The following MBNL1 variants were observed in gnomAD, a reference collection of about 807,000 sequenced individuals.
MBNL1 encodes muscleblind-like protein 1.
A neutral mutation model predicts 42.2 loss-of-function variants in MBNL1; 8 were observed. The observed-to-expected ratio is 0.19, with a 90% CI of 0.11 to 0.34. MBNL1 has a LOEUF of 0.34. MBNL1 is among the 10% of genes least tolerant of loss of function. MBNL1 has a pLI of 1.00. For missense variants in MBNL1, 309 were observed against 495.3 expected (o/e 0.62, Z 3.57); for synonymous variants, 169 against 173.9 (o/e 0.97, Z 0.22).
chr3:152,361,987 AT>A (rs1370187148), intron 2 of MBNL1, among the ~76,000 whole-genome samples: 1 of 152,202 alleles, frequency 6.6e-6, no homozygotes, highest in Non-Finnish European at 1.5e-5. Context: ...TCTGCAGCTA[AT>A]ATTGCTGCCT....
At chr3:152,270,402 G>A (rs2040574715) in intron 1 of MBNL1, among the ~76,000 whole-genome samples, 1 of 152,148 alleles carries the variant, frequency 6.6e-6, no homozygotes, top group Non-Finnish European at 1.5e-5. Context: ...TTCCTCCTGG[G>A]TTTGAACACA....
At chr3:152,443,186 C>G (rs902876274) in intron 4 of MBNL1, among the ~76,000 whole-genome samples, 3 of 147,862 alleles carry the variant, frequency 2.0e-5, no homozygotes, top group South Asian at 4.3e-4. Context: ...AGAAACCCCC[C>G]CCCCCACACA....
chr3:152,411,922 T>A (rs1454173081), intron 2 of MBNL1, among the ~76,000 whole-genome samples: 1 of 152,224 alleles, frequency 6.6e-6, no homozygotes, highest in Non-Finnish European at 1.5e-5. Context: ...TAGTTTTTTC[T>A]ATTATCTCCA....
chr3:152,434,935 G>T (rs1395726908), intron 4 of MBNL1, among the ~76,000 whole-genome samples: 1 of 152,104 alleles, frequency 6.6e-6, no homozygotes. Flanking sequence ...ACAGATTCTA[G>T]ATATTAGACC....
chr3:152,295,411 A>T (rs772307976), intron 1 of MBNL1, among the ~76,000 whole-genome samples: 5 of 152,172 alleles, frequency 3.3e-5, no homozygotes, highest in Non-Finnish European at 7.4e-5. Context: ...TCTTACATAT[A>T]TTGTCTGGAT....
At position 152,432,840 on chromosome 3, in the gene MBNL1, G is replaced by A. The variant is rs1457714346; in HGVS notation, c.469G>A (p.Val157Ile). ...AEILPTAPML[V>I]TGNPGVPVPA... ...GATCTTGCCGACTGCACCAATGTTG[G>A]TTACAGGGAATCCGGGTGTCCCTGT... is the stretch of plus-strand genomic sequence containing the variant. Residue 157 changes from valine to isoleucine, a missense_variant, in exon 4 of 10, where the codon GTT becomes ATT. Transcript: ENST00000324210. 3 of 1,614,132 alleles carry A rather than the reference G, an allele frequency of 1.9e-6. No individual in the cohort carries two copies. Among genetic ancestry groups the A allele is most frequent in the Non-Finnish European group, 1.7e-6 (2 of 1,180,012 alleles).
chr3:152,354,872 C>A (rs1433498032), intron 2 of MBNL1, among the ~76,000 whole-genome samples: 2 of 152,060 alleles, frequency 1.3e-5, no homozygotes, highest in African/African-American at 4.8e-5. Flanking sequence ...GAAATTTTTA[C>A]CTGTTTTCAC....
intron 2 of MBNL1, among the ~76,000 whole-genome samples, chr3:152,342,493 A>G (rs1660332182): frequency 6.6e-6 from 1 of 151,774 alleles, no homozygotes; most frequent in African/African-American, 2.4e-5. Context: ...GGGTCACACA[A>G]CTAGAAAAAG....
chr3:152,337,574 C>T (rs1294194717), intron 2 of MBNL1, among the ~76,000 whole-genome samples: 2 of 150,758 alleles, frequency 1.3e-5, no homozygotes, highest in Non-Finnish European at 2.9e-5. Flanking sequence ...GCCAAGATTG[C>T]GCCACTACAA....
chr3:152,320,927 A>C (rs990247814), intron 2 of MBNL1, among the ~76,000 whole-genome samples: 1 of 151,968 alleles, frequency 6.6e-6, no homozygotes, highest in Admixed American at 6.6e-5. Context: ...TTGTCTTCCA[A>C]CTGTGAATAC....
At chr3:152,422,267 G>GAAAA (rs1580130601) in intron 3 of MBNL1, among the ~76,000 whole-genome samples, 1 of 42,410 alleles carries the variant, frequency 2.4e-5, no homozygotes, top group Non-Finnish European at 4.7e-5. Context: ...CAAATGGAAA[G>GAAAA]CAAAAAAAAA....
chr3:152,460,865 TTG>T (rs1252354547), intron 9 of MBNL1, among the ~76,000 whole-genome samples: 2 of 152,168 alleles, frequency 1.3e-5, no homozygotes, highest in Non-Finnish European at 2.9e-5. Flanking sequence ...TGGTGCTACT[TTG>T]TGTTAGTTAC....
intron 2 of MBNL1, among the ~76,000 whole-genome samples, chr3:152,320,017 A>G (rs1463883726): frequency 6.6e-6 from 1 of 152,020 alleles, no homozygotes; most frequent in African/African-American, 2.4e-5. Context: ...TTTACAGTTA[A>G]TTTGTAAATT....
Position 152,317,412 on chromosome 3 carries a change from T to G in MBNL1, c.174+17045T>G, listed in dbSNP as rs550274318. 4.9e-4 allele frequency among the ~76,000 whole-genome samples: 75 copies of G among 152,208 alleles called. 1 individual carries two copies. The highest frequency in any genetic ancestry group is 8.8e-4 in the Non-Finnish European group (60 of 67,996). ...TTAGCTCACTGCAACTTCCACTTCCTGGGTTTAAGTGATTCTCCCGCCTCA... is the reference window on the plus strand; with the variant it reads ...TTAGCTCACTGCAACTTCCACTTCCGGGGTTTAAGTGATTCTCCCGCCTCA... On this transcript the variant is annotated intron_variant, in intron 2 of 9. Transcript: ENST00000324210.
intron 2 of MBNL1, among the ~76,000 whole-genome samples, chr3:152,389,175 G>A (rs111675645): frequency 0.016 from 2,445 of 151,848 alleles, 56 homozygotes; most frequent in African/African-American, 0.055. Flanking sequence ...CACAACCTCC[G>A]CCTCCCAGGT....
chr3:152,379,804 A>G (rs17370164), intron 2 of MBNL1, among the ~76,000 whole-genome samples: 10,827 of 152,186 alleles, frequency 0.071, 510 homozygotes, highest in Middle Eastern at 0.16. Flanking sequence ...CAGATGAACA[A>G]TGAGTCAGAA....
At chr3:152,305,196 T>G (rs2062428287) in intron 2 of MBNL1, among the ~76,000 whole-genome samples, 1 of 152,190 alleles carries the variant, frequency 6.6e-6, no homozygotes, top group Non-Finnish European at 1.5e-5. Context: ...TGTTTCTCAC[T>G]TAAAAGAGAC....
At chr3:152,450,146 T>C (rs1351118772) in intron 6 of MBNL1, among the ~76,000 whole-genome samples, 4 of 147,614 alleles carry the variant, frequency 2.7e-5, no homozygotes, top group Admixed American at 2.0e-4. Context: ...AACAAATATA[T>C]ATACACACAC....
At chr3:152,342,569 C>A (rs1034503361) in intron 2 of MBNL1, among the ~76,000 whole-genome samples, 1 of 151,444 alleles carries the variant, frequency 6.6e-6, no homozygotes, top group Non-Finnish European at 1.5e-5. Context: ...CACACACACA[C>A]ACACACACAC....
Sources: gnomAD v4.1 joint callset for allele counts (sites outside exome capture counted in the v4.1 genomes callset) on GRCh38, gnomAD v4.1.1 for gene constraint, MANE v1.5 for transcripts, NCBI Gene and HGNC (gene_info 2026-07-23, HGNC 2026-07-21) for gene names.